DIP2B: variants seen among roughly 807,000 people sequenced by gnomAD.
DIP2B encodes the protein DIP2 acetate--CoA ligase B (putative).
A neutral mutation model predicts 198.0 loss-of-function variants in DIP2B; 76 were observed. That is an observed-to-expected ratio of 0.38 (90% confidence interval 0.32 to 0.46). DIP2B has a LOEUF of 0.46. DIP2B is among the 20% of genes least tolerant of loss of function. The probability of loss-of-function intolerance (pLI) is 0.99; values close to 1 mark genes in which losing one functional copy is unlikely to be tolerated. For missense variants in DIP2B, 1,559 were observed against 1,978.4 expected (o/e 0.79, Z 4.02); for synonymous variants, 701 against 739.1 (o/e 0.95, Z 0.84).
chr12:50,703,362 G>C (rs1939456626), intron 19 of DIP2B, among the ~76,000 whole-genome samples: 1 of 152,022 alleles, frequency 6.6e-6, no homozygotes, highest in Admixed American at 6.6e-5. Flanking sequence ...ATTCTAGTAT[G>C]ATATTAATGA....
intron 4 of DIP2B, among the ~76,000 whole-genome samples, chr12:50,669,980 C>A (rs1195642211): frequency 6.6e-6 from 1 of 152,154 alleles, no homozygotes; most frequent in Non-Finnish European, 1.5e-5. Context: ...AGTTGTAAAT[C>A]ATAACACCCA....
At chr12:50,569,848 A>G (rs1488518035) in intron 1 of DIP2B, among the ~76,000 whole-genome samples, 1 of 152,254 alleles carries the variant, frequency 6.6e-6, no homozygotes, top group Non-Finnish European at 1.5e-5. Context: ...GATCAGATAC[A>G]TGCTGGTCTT....
Position 50,558,626 on chromosome 12 carries a change from A to C in DIP2B, c.100+53386A>C, listed in dbSNP as rs180850888. 6.0e-4 allele frequency among the ~76,000 whole-genome samples: 92 copies of C among 152,350 alleles called. 1 individual carries two copies. The highest frequency in any genetic ancestry group is 1.0e-3 in the Admixed American group (16 of 15,294). ...CAGAGATGGTAGAATGAATATCTCT[A>C]ATAGCCCCTGTTTTTTCCTCATACC... On this transcript the variant is annotated intron_variant, in intron 1 of 37. Coordinates refer to ENST00000301180, the MANE Select transcript of DIP2B (RefSeq NM_173602.3).
At chr12:50,628,705 T>C (rs2731435) in intron 2 of DIP2B, among the ~76,000 whole-genome samples, 146,224 of 152,296 alleles carry the variant, frequency 0.96, 70,479 homozygotes, top group East Asian at 1. Context: ...CTTTGTTTCC[T>C]GTTTCTAATC....
chr12:50,544,902 C>T (rs1958362719), intron 1 of DIP2B, among the ~76,000 whole-genome samples: 1 of 152,104 alleles, frequency 6.6e-6, no homozygotes, highest in Admixed American at 6.6e-5. Context: ...CAGGCGTGAG[C>T]CACCGCGCCT....
chr12:50,593,719 T>C (rs1565837035), intron 1 of DIP2B, among the ~76,000 whole-genome samples: 11 of 3,942 alleles, frequency 2.8e-3, no homozygotes, highest in Middle Eastern at 0.25. Context: ...TCCTCTCCTC[T>C]CCTCTCCTCT....
chr12:50,601,945 GC>G (rs1168385651), intron 1 of DIP2B, among the ~76,000 whole-genome samples: 2 of 152,170 alleles, frequency 1.3e-5, no homozygotes, highest in Non-Finnish European at 2.9e-5. Context: ...CATAGTTATT[GC>G]TCCAGTTGTA....
chr12:50,666,512 G>A lies in DIP2B; in HGVS notation c.428-4674G>A, dbSNP rs1938755132. ...AGCTTTTTAAAAAATGTATACAGGA[G>A]CAAGGGAGAATGATGAACACTGAAA... On this transcript the variant is annotated intron_variant, in intron 4 of 37. Coordinates refer to ENST00000301180, the MANE Select transcript of DIP2B (RefSeq NM_173602.3). 2.6e-5 allele frequency among the ~76,000 whole-genome samples: 4 copies of A among 152,268 alleles called. 1 individual carries two copies. In the South Asian group the frequency reaches 8.3e-4, roughly 32 times the overall value.
chr12:50,709,637 CAAA>C (rs60753279), intron 22 of DIP2B, among the ~76,000 whole-genome samples: 2 of 128,122 alleles, frequency 1.6e-5, no homozygotes, highest in Non-Finnish European at 1.6e-5. Context: ...GACTCTGTCT[CAAA>C]AAAAAAAAAA....
At chr12:50,683,284 T>C (rs764937220) in intron 10 of DIP2B, 36 bp downstream of exon 10, 2 of 1,541,484 alleles carry the variant, frequency 1.3e-6, no homozygotes, top group Non-Finnish European at 1.8e-6. Flanking sequence ...TGTAGCCTGA[T>C]GTGACATGGC....
chr12:50,597,203 T>C (rs572120889), intron 1 of DIP2B, among the ~76,000 whole-genome samples: 1 of 152,316 alleles, frequency 6.6e-6, no homozygotes, highest in Non-Finnish European at 1.5e-5. Context: ...CATATGTAGA[T>C]TTACTTCATT....
chr12:50,734,196 G>C lies in DIP2B; in HGVS notation c.4043G>C (p.Arg1348Thr). 6.2e-7 allele frequency: 1 copy of C among 1,613,998 alleles called. No homozygotes were observed. The highest frequency in any genetic ancestry group is 8.5e-7 in the Non-Finnish European group (1 of 1,179,968). ...GATCTGAAATCACTAAGACATGACAGGTACAACAGATTTATTAATGCTCCT... is the reference window on the plus strand; with the variant it reads ...GATCTGAAATCACTAAGACATGACACGTACAACAGATTTATTAATGCTCCT... ...YVDLKSLRHD[R>T]VRLVERGAPQ... Residue 1348 changes from arginine to threonine, a missense_variant and splice_region_variant, in exon 33 of 38, where the codon AGG becomes ACG. Coordinates refer to ENST00000301180, the MANE Select transcript of DIP2B (RefSeq NM_173602.3).
At chr12:50,600,514 G>A (rs937393021) in intron 1 of DIP2B, among the ~76,000 whole-genome samples, 3 of 152,102 alleles carry the variant, frequency 2.0e-5, no homozygotes, top group African/African-American at 7.2e-5. Flanking sequence ...GCTGGGTAGG[G>A]TGCACCTGGC....
intron 7 of DIP2B, among the ~76,000 whole-genome samples, chr12:50,676,239 T>C (rs1938943756): frequency 6.6e-6 from 1 of 152,236 alleles, no homozygotes; most frequent in South Asian, 2.1e-4. Context: ...TAGATCTACC[T>C]AAGAAAAGCT....
chr12:50,648,705 C>T (rs929025643), intron 3 of DIP2B, among the ~76,000 whole-genome samples: 14 of 151,606 alleles, frequency 9.2e-5, no homozygotes, highest in East Asian at 5.8e-4. Context: ...CTTCCCCCCC[C>T]CCTCCTTACT....
At chr12:50,552,515 C>T (rs972312339) in intron 1 of DIP2B, among the ~76,000 whole-genome samples, 5 of 152,060 alleles carry the variant, frequency 3.3e-5, no homozygotes, top group African/African-American at 1.2e-4. Context: ...ATCCACCCGC[C>T]TCGGCCTCCC....
chr12:50,686,534 G>A (rs370653471), intron 11 of DIP2B, 39 bp from the exon 12 acceptor site: 1 of 1,590,266 alleles, frequency 6.3e-7, no homozygotes, highest in South Asian at 1.1e-5. Flanking sequence ...ATTCCCTGAT[G>A]GCTTAGGCAA....
intron 21 of DIP2B, among the ~76,000 whole-genome samples, chr12:50,707,541 A>T (rs1008984894): frequency 6.6e-6 from 1 of 152,210 alleles, no homozygotes; most frequent in African/African-American, 2.4e-5. Flanking sequence ...ACAAATATTC[A>T]TTGGGTGCCA....
intron 28 of DIP2B, among the ~76,000 whole-genome samples, chr12:50,725,879 AT>A (rs1257347787): frequency 6.9e-6 from 1 of 145,366 alleles, no homozygotes; most frequent in Admixed American, 6.9e-5. Context: ...TTAACTCTGG[AT>A]TCAAATGCAG....
Sources: allele counts gnomAD v4.1 joint callset (sites outside exome capture counted in the v4.1 genomes callset), GRCh38; gene constraint gnomAD v4.1.1; transcripts MANE v1.5; gene names NCBI Gene and HGNC (gene_info 2026-07-23, HGNC 2026-07-21).